RASAL2: variants seen among roughly 807,000 people sequenced by gnomAD.
The protein encoded by RASAL2 is ras GTPase-activating protein nGAP.
A neutral mutation model predicts 128.9 loss-of-function variants in RASAL2; 58 were observed. The observed-to-expected ratio is 0.45, with a 90% CI of 0.36 to 0.56. The LOEUF is 0.56. Ranked by LOEUF, RASAL2 falls within the 20% of genes least tolerant of loss-of-function variation. The probability of loss-of-function intolerance (pLI) is 0.00; values close to 1 mark genes in which losing one functional copy is unlikely to be tolerated. For synonymous variants in RASAL2, 561 were observed against 580.8 expected, an observed-to-expected ratio of 0.97 and a Z score of 0.49; for missense variants, 1,360 against 1,601.6, an observed-to-expected ratio of 0.85 and a Z score of 2.57.
intron 1 of RASAL2, among the ~76,000 whole-genome samples, chr1:178,113,877 A>G (rs1659432729): frequency 6.6e-6 from 1 of 152,164 alleles, no homozygotes; most frequent in Non-Finnish European, 1.5e-5. Context: ...TTCAGTATAT[A>G]GATCTGATAC....
chr1:178,319,127 A>C (rs1017075094), intron 3 of RASAL2, among the ~76,000 whole-genome samples: 52 of 151,388 alleles, frequency 3.4e-4, no homozygotes, highest in Non-Finnish European at 3.0e-5. Flanking sequence ...TGGCCCCCAC[A>C]CTCTTCTGGC....
rs1304752092 is a variant in RASAL2, at chr1:178,103,847, T to C, written c.202+9153T>C. ...TATTCCCCCCACCCTTATGAAGAAA[T>C]GATTCTTACACAATTGAATGTATCG... On this transcript the variant is annotated intron_variant, in intron 1 of 17. Coordinates refer to ENST00000367649, the MANE Select transcript of RASAL2 (RefSeq NM_170692.4). Among the ~76,000 whole-genome samples the C allele has an allele frequency of 2.6e-5, 4 of 152,128 alleles. No homozygotes were observed. In the East Asian group the frequency reaches 7.7e-4, roughly 29 times the overall value.
intron 3 of RASAL2, among the ~76,000 whole-genome samples, chr1:178,301,689 T>C (rs1298877904): frequency 6.6e-6 from 1 of 152,118 alleles, no homozygotes; most frequent in African/African-American, 2.4e-5. Context: ...CTCCTCAGCC[T>C]CCCAAAGTGC....
At chr1:178,354,718 C>A (rs1401785431) in intron 3 of RASAL2, among the ~76,000 whole-genome samples, 1 of 152,062 alleles carries the variant, frequency 6.6e-6, no homozygotes, top group Non-Finnish European at 1.5e-5. Flanking sequence ...TTTACAATAA[C>A]AAAATGTAAT....
chr1:178,165,983 C>T (rs1661504541), intron 1 of RASAL2, among the ~76,000 whole-genome samples: 2 of 152,040 alleles, frequency 1.3e-5, no homozygotes, highest in African/African-American at 4.8e-5. Context: ...CATCTTTGTA[C>T]GTATGTGCAC....
At chr1:178,155,282 A>G (rs1447163345) in intron 1 of RASAL2, among the ~76,000 whole-genome samples, 1 of 152,136 alleles carries the variant, frequency 6.6e-6, no homozygotes, top group Non-Finnish European at 1.5e-5. Context: ...TCTGATCTAG[A>G]CTACTCAATT....
rs1227223914 is a variant in RASAL2, at chr1:178,457,904, C to T, written c.2612C>T (p.Pro871Leu). 1.9e-6 allele frequency: 3 copies of T among 1,614,054 alleles called. No individual in the cohort carries two copies. Among genetic ancestry groups the T allele is most frequent in the Non-Finnish European group, 2.5e-6 (3 of 1,180,036 alleles). Residue 871 changes from proline to leucine, a missense_variant, in exon 14 of 18, where the codon CCT becomes CTT. Coordinates refer to ENST00000367649, the MANE Select transcript of RASAL2 (RefSeq NM_170692.4). ...CATGCATCTGTCATGCTTGATGTGC[C>T]TATACGCTTGACCGGAAGCCAGCTT... ...VEHASVMLDV[P>L]IRLTGSQLSI...
rs142854104 is a variant in RASAL2 at position 178,476,657 on chromosome 1, A to C, written c.*3418A>C. The C allele has an allele frequency of 1.3e-5, 2 of 152,186 alleles. No individual in the cohort carries two copies. Among genetic ancestry groups the C allele is most frequent in the African/African-American group, 4.8e-5 (2 of 41,438 alleles). 9.4% of individuals were successfully genotyped at this position (152,186 alleles called of 1,614,324 possible). ...GTGTTAAGATTATGAAAGAAAAAGA[A>C]GATTACCTAAGACTGCTACAAGTGT... On this transcript the variant is annotated 3_prime_UTR_variant, in exon 18 of 18. Coordinates refer to ENST00000367649, the MANE Select transcript of RASAL2 (RefSeq NM_170692.4).
chr1:178,259,648 T>G (rs1301007658), intron 1 of RASAL2, among the ~76,000 whole-genome samples: 1 of 152,104 alleles, frequency 6.6e-6, no homozygotes, highest in Non-Finnish European at 1.5e-5. Flanking sequence ...TGAACACAGC[T>G]CACTGTAGCC....
chr1:178,210,071 C>T lies in RASAL2; in HGVS notation c.203-73493C>T, dbSNP rs759390420. Among the ~76,000 whole-genome samples the T allele has an allele frequency of 1.0e-3, 153 of 151,970 alleles. 1 individual carries two copies. Among genetic ancestry groups the T allele is most frequent in the Admixed American group, 1.7e-3 (26 of 15,264 alleles). On this transcript the variant is annotated intron_variant, in intron 1 of 17. Transcript: ENST00000367649. ...TTTTCTCCCTGTGACTGTTAGGTCA[C>T]TTTACTCTTCTATTTTTATATTTTT...
chr1:178,329,073 A>G (rs1221165225), intron 3 of RASAL2, among the ~76,000 whole-genome samples: 1 of 152,232 alleles, frequency 6.6e-6, no homozygotes, highest in African/African-American at 2.4e-5. Flanking sequence ...TGTTGAACAA[A>G]GCATTCAAAA....
chr1:178,243,366 C>T (rs1664605962), intron 1 of RASAL2, among the ~76,000 whole-genome samples: 1 of 152,012 alleles, frequency 6.6e-6, no homozygotes, highest in South Asian at 2.1e-4. Context: ...GAAAATGAGG[C>T]TTCTTGGGTT....
chr1:178,203,243 C>G (rs905445821), intron 1 of RASAL2, among the ~76,000 whole-genome samples: 1 of 152,200 alleles, frequency 6.6e-6, no homozygotes, highest in Non-Finnish European at 1.5e-5. Flanking sequence ...AAGGCACTCA[C>G]TTTATGGCTA....
intron 1 of RASAL2, among the ~76,000 whole-genome samples, chr1:178,137,506 ATTT>A (rs1286254443): frequency 6.6e-6 from 1 of 152,188 alleles, no homozygotes; most frequent in Non-Finnish European, 1.5e-5. Flanking sequence ...TTTCTGGAAC[ATTT>A]CTAAGGCACA....
chr1:178,303,712 A>G (rs576198416), intron 3 of RASAL2, among the ~76,000 whole-genome samples: 2 of 152,252 alleles, frequency 1.3e-5, no homozygotes, highest in South Asian at 4.2e-4. Flanking sequence ...ACAGAGTAGA[A>G]TAATATATTT....
chr1:178,206,221 A>G (rs1349781326), intron 1 of RASAL2, among the ~76,000 whole-genome samples: 1 of 152,190 alleles, frequency 6.6e-6, no homozygotes, highest in Non-Finnish European at 1.5e-5. Flanking sequence ...GAGGGGTAGC[A>G]TTCTGTTTTG....
At chr1:178,326,580 T>A (rs1213839505) in intron 3 of RASAL2, among the ~76,000 whole-genome samples, 1 of 152,220 alleles carries the variant, frequency 6.6e-6, no homozygotes, top group Non-Finnish European at 1.5e-5. Context: ...GTTTCACTCT[T>A]GTTGCCCAGG....
intron 3 of RASAL2, among the ~76,000 whole-genome samples, chr1:178,386,157 G>T (rs1333223803): frequency 6.6e-6 from 1 of 152,090 alleles, no homozygotes; most frequent in Non-Finnish European, 1.5e-5. Context: ...AAGTATATTT[G>T]CCCCTATAAT....
chr1:178,101,375 A>G (rs1658890933), intron 1 of RASAL2, among the ~76,000 whole-genome samples: 1 of 152,160 alleles, frequency 6.6e-6, no homozygotes, highest in African/African-American at 2.4e-5. Flanking sequence ...GGCTTTGCTC[A>G]TAAGGGTTCA....
Sources: allele counts gnomAD v4.1 joint callset (sites outside exome capture counted in the v4.1 genomes callset), GRCh38; gene constraint gnomAD v4.1.1; transcripts MANE v1.5; gene names NCBI Gene and HGNC (gene_info 2026-07-23, HGNC 2026-07-21).